Variants in PCNX2 observed in about 807,000 individuals in gnomAD.
PCNX2 encodes the protein pecanex-like protein 2.
PCNX2 carries 168 observed loss-of-function variants against 223.8 expected under a neutral mutation model. That is an observed-to-expected ratio of 0.75 (90% CI 0.66 to 0.85). PCNX2 has a LOEUF of 0.85. Among genes scored for constraint, PCNX2 ranks in the 40% least tolerant of loss-of-function variants. The pLI, the probability that PCNX2 is intolerant of heterozygous loss-of-function variation, is 0.00. For synonymous variants in PCNX2, 1,006 were observed against 1,052.6 expected (o/e 0.96, Z 0.86); for missense variants, 2,507 against 2,675.5 (o/e 0.94, Z 1.39).
intron 23 of PCNX2, among the ~76,000 whole-genome samples, chr1:233,077,681 T>C (rs1673156601): frequency 6.6e-6 from 1 of 151,918 alleles, no homozygotes; most frequent in Non-Finnish European, 1.5e-5. Context: ...CCAATAATAA[T>C]CAATTTAGAA....
chr1:233,055,820 G>A (rs1307088955), intron 24 of PCNX2, among the ~76,000 whole-genome samples: 1 of 152,090 alleles, frequency 6.6e-6, no homozygotes, highest in Non-Finnish European at 1.5e-5. Context: ...AGATCTGACC[G>A]AAGCATCCCT....
chr1:233,291,628 A>G, intron 1 of PCNX2: 4 of 874,050 alleles, frequency 4.6e-6, no homozygotes, highest in South Asian at 5.3e-5. Context: ...AAAAAAAAAA[A>G]GAGGAAGAAT....
chr1:233,033,689 G>A (rs543844384), intron 25 of PCNX2, among the ~76,000 whole-genome samples: 1 of 152,298 alleles, frequency 6.6e-6, no homozygotes, highest in East Asian at 1.9e-4. Flanking sequence ...TGGTTGAAGT[G>A]CAATAAAGCA....
chr1:233,101,023 G>A (rs1674458148), intron 21 of PCNX2, among the ~76,000 whole-genome samples: 1 of 152,224 alleles, frequency 6.6e-6, no homozygotes, highest in Non-Finnish European at 1.5e-5. Flanking sequence ...AAAGATGCAT[G>A]CAGTTCAAAG....
At chr1:233,055,151 A>C (rs1572052385) in intron 24 of PCNX2, among the ~76,000 whole-genome samples, 1 of 152,324 alleles carries the variant, frequency 6.6e-6, no homozygotes, top group East Asian at 1.9e-4. Context: ...GTTTGTGTGA[A>C]TATGACTCTC....
intron 25 of PCNX2, 53 bp downstream of exon 25, chr1:233,054,215 A>G: frequency 6.6e-7 from 1 of 1,516,366 alleles, no homozygotes; most frequent in South Asian, 1.2e-5. Flanking sequence ...TTTGCTTGAT[A>G]ATTAACTCAA....
chr1:233,090,651 A>G (rs1673825365), intron 22 of PCNX2, among the ~76,000 whole-genome samples: 3 of 152,228 alleles, frequency 2.0e-5, no homozygotes, highest in Non-Finnish European at 4.4e-5. Context: ...ACTGTTTGAA[A>G]TATCTATCCA....
chr1:233,293,627 A>G (rs1661899923), intron 1 of PCNX2, among the ~76,000 whole-genome samples: 2 of 152,366 alleles, frequency 1.3e-5, no homozygotes, highest in South Asian at 4.1e-4. Flanking sequence ...TAAATCAGAA[A>G]ACATAAGGAT....
Position 232,990,413 on chromosome 1 carries a change from CG to C in PCNX2, c.5792-3874del, listed in dbSNP as rs893737247. ...AATCACATCTTGGAGGGATTCTGGC[CG>C]GGGGATTGGGGCACCAAGGTCATGA... On this transcript the variant is annotated intron_variant, in intron 32 of 33. Coordinates refer to ENST00000258229, the MANE Select transcript of PCNX2 (RefSeq NM_014801.4). The surrounding 1 kb of genome is among the most constrained non-coding windows in gnomAD (Gnocchi z 4.3). Among the ~76,000 whole-genome samples, 1 of 152,038 alleles carries C rather than the reference CG, an allele frequency of 6.6e-6. No individual in the cohort carries two copies. The highest frequency in any genetic ancestry group is 2.4e-5 in the African/African-American group (1 of 41,386).
intron 19 of PCNX2, among the ~76,000 whole-genome samples, chr1:233,152,033 C>G (rs1472689788): frequency 1.3e-5 from 2 of 152,208 alleles, no homozygotes; most frequent in African/African-American, 2.4e-5. Context: ...CAAACCCCTG[C>G]GGCCACCTCC....
intron 28 of PCNX2, among the ~76,000 whole-genome samples, chr1:233,010,264 G>A (rs1670421016): frequency 6.6e-6 from 1 of 152,162 alleles, no homozygotes; most frequent in Non-Finnish European, 1.5e-5. Context: ...GGGAGGAGTG[G>A]GTAGATGGTA....
At chr1:233,017,919 T>C (rs565953317) in intron 26 of PCNX2, among the ~76,000 whole-genome samples, 37 of 152,344 alleles carry the variant, frequency 2.4e-4, no homozygotes, top group African/African-American at 8.7e-4. Flanking sequence ...TGGTGGTTCC[T>C]AGGCTAGGTT....
intron 25 of PCNX2, among the ~76,000 whole-genome samples, chr1:233,053,321 G>A (rs1672073544): frequency 6.6e-6 from 1 of 152,006 alleles, no homozygotes; most frequent in Non-Finnish European, 1.5e-5. Context: ...ATCAGTCCCT[G>A]CACTGGGGAC....
intron 8 of PCNX2, among the ~76,000 whole-genome samples, chr1:233,245,872 C>T (rs551848038): frequency 6.6e-5 from 10 of 152,240 alleles, no homozygotes; most frequent in South Asian, 2.1e-4. Context: ...GCCCAGATCG[C>T]GCCACTGCAC....
intron 23 of PCNX2, among the ~76,000 whole-genome samples, chr1:233,088,993 G>A (rs1170490706): frequency 1.3e-5 from 2 of 152,172 alleles, no homozygotes; most frequent in Admixed American, 1.3e-4. Context: ...TCAGTGTTAA[G>A]TGGGAGAGAT....
intron 1 of PCNX2, among the ~76,000 whole-genome samples, chr1:233,283,021 TAAA>T (rs34117932): frequency 4.0e-5 from 6 of 149,098 alleles, no homozygotes; most frequent in African/African-American, 1.5e-4. Context: ...ATGCGTATTC[TAAA>T]AAAAAAAATA....
At chr1:233,294,860 C>A (rs898918008) in intron 1 of PCNX2, among the ~76,000 whole-genome samples, 2 of 152,114 alleles carry the variant, frequency 1.3e-5, no homozygotes, top group African/African-American at 4.8e-5. Context: ...AACTGAACTG[C>A]CTTCTCAAAG....
chr1:233,321,236 T>C, the PCNX2 span, among the ~76,000 whole-genome samples: 3 of 151,948 alleles, frequency 2.0e-5, no homozygotes, highest in Admixed American at 2.0e-4. Flanking sequence ...GTAAAAATGG[T>C]GTTCCATTAA....
intron 19 of PCNX2, among the ~76,000 whole-genome samples, chr1:233,140,659 G>A (rs141022484): frequency 9.8e-5 from 15 of 152,324 alleles, no homozygotes; most frequent in Admixed American, 2.0e-4. Context: ...GGGAGCCCGT[G>A]CTTTTCTCTC....
Sources: gnomAD v4.1 joint callset for allele counts (sites outside exome capture counted in the v4.1 genomes callset) on GRCh38, gnomAD v4.1.1 for gene constraint, Gnocchi (gnomAD v3.1) non-coding constraint, MANE v1.5 for transcripts, NCBI Gene and HGNC (gene_info 2026-07-23, HGNC 2026-07-21) for gene names.